SNX3: variants seen among roughly 807,000 people sequenced by gnomAD.
SNX3 encodes sorting nexin-3.
SNX3 carries 5 observed loss-of-function variants against 17.7 expected under a neutral mutation model. The ratio of observed to expected loss-of-function variants is 0.28; its 90% CI spans 0.15 to 0.59. The LOEUF (loss-of-function observed/expected upper bound fraction) is 0.59. Ranked by LOEUF, SNX3 falls within the 20% of genes least tolerant of loss-of-function variation. SNX3 has a pLI of 0.88. For synonymous variants in SNX3, 91 were observed against 76.5 expected, an observed-to-expected ratio of 1.19 and a Z score of -0.99; for missense variants, 132 against 206.8, an observed-to-expected ratio of 0.64 and a Z score of 2.22.
At chr6:108,247,372 T>C (rs966956211) in intron 1 of SNX3, among the ~76,000 whole-genome samples, 1 of 152,068 alleles carries the variant, frequency 6.6e-6, no homozygotes, top group Non-Finnish European at 1.5e-5. Context: ...ATATCTAGGA[T>C]GTATTTTTTG....
chr6:108,234,397 T>A (rs1775262153), intron 1 of SNX3, among the ~76,000 whole-genome samples: 1 of 152,018 alleles, frequency 6.6e-6, no homozygotes, highest in African/African-American at 2.4e-5. Context: ...ACCAAAAGCA[T>A]AAAAATTAGC....
intron 1 of SNX3, chr6:108,252,506 C>T (rs1375532506): frequency 6.6e-6 from 1 of 151,934 alleles, no homozygotes; most frequent in East Asian, 1.9e-4. Context: ...AAAACAAGAA[C>T]AAAAACCAAA....
At chr6:108,257,169 C>A (rs1211842677) in intron 1 of SNX3, among the ~76,000 whole-genome samples, 1 of 152,182 alleles carries the variant, frequency 6.6e-6, no homozygotes, top group East Asian at 1.9e-4. Flanking sequence ...GCAAATTCAA[C>A]AGCAAAAGGT....
At chr6:108,222,156 T>G in intron 2 of SNX3, 1 of 1,228,514 alleles carries the variant, frequency 8.1e-7, no homozygotes, top group East Asian at 5.8e-5. Flanking sequence ...AGAAAACCCT[T>G]ATTAAACTTG....
intron 1 of SNX3, among the ~76,000 whole-genome samples, chr6:108,225,655 A>G (rs905278506): frequency 7.2e-5 from 11 of 152,088 alleles, no homozygotes; most frequent in African/African-American, 2.7e-4. Context: ...CAAAAAAAAG[A>G]TGCTACCAAA....
At chr6:108,223,639 A>C (rs1346740899) in intron 1 of SNX3, among the ~76,000 whole-genome samples, 1 of 150,980 alleles carries the variant, frequency 6.6e-6, no homozygotes, top group Non-Finnish European at 1.5e-5. Context: ...CTGGGATTAC[A>C]GGCACTCGCC....
intron 1 of SNX3, among the ~76,000 whole-genome samples, chr6:108,250,944 T>C (rs777455986): frequency 2.6e-5 from 4 of 152,202 alleles, no homozygotes; most frequent in Admixed American, 2.0e-4. Context: ...AGAGATTAAG[T>C]GATTCTCTGC....
rs1776180637 is a variant in SNX3 at position 108,260,939 on chromosome 6, C to CGCCGCCGCGGGCT, written c.-31_-19dup. The CGCCGCCGCGGGCT allele has an allele frequency of 6.5e-7, 1 of 1,547,746 alleles. No homozygotes were observed. The highest frequency in any genetic ancestry group is 1.4e-5 in the African/African-American group (1 of 70,416). On this transcript the variant is annotated 5_prime_UTR_variant, in exon 1 of 4. Transcript: ENST00000230085. ...TCCGCCATTTCGCTGTAGCTGCTGC[C>CGCCGCCGCGGGCT]GCCGCCGCGGGCTCCCTCCGCCCCC...
intron 1 of SNX3, among the ~76,000 whole-genome samples, chr6:108,247,159 T>C (rs1220721626): frequency 6.6e-6 from 1 of 152,178 alleles, no homozygotes; most frequent in Non-Finnish European, 1.5e-5. Flanking sequence ...TGGCACCTTG[T>C]GAAGCAGGTA....
At chr6:108,226,479 T>C (rs1307967946) in intron 1 of SNX3, among the ~76,000 whole-genome samples, 4 of 152,226 alleles carry the variant, frequency 2.6e-5, no homozygotes, top group Admixed American at 6.5e-5. Flanking sequence ...CTCAACACTA[T>C]ATATTCTCTT....
chr6:108,220,040 A>G (rs1774707249), intron 2 of SNX3, among the ~76,000 whole-genome samples: 1 of 152,236 alleles, frequency 6.6e-6, no homozygotes, highest in African/African-American at 2.4e-5. Context: ...AGCTTATAGA[A>G]TAAGAATATA....
intron 1 of SNX3, among the ~76,000 whole-genome samples, chr6:108,259,156 T>C (rs372403452): frequency 6.6e-6 from 1 of 152,268 alleles, no homozygotes; most frequent in Admixed American, 6.5e-5. Flanking sequence ...ACTAGGTTTA[T>C]GTATGAATGT....
At chr6:108,234,459 G>A (rs1775263437) in intron 1 of SNX3, among the ~76,000 whole-genome samples, 1 of 152,054 alleles carries the variant, frequency 6.6e-6, no homozygotes, top group South Asian at 2.1e-4. Flanking sequence ...GCTGAGGCAG[G>A]AGAATCGCTT....
chr6:108,212,630 G>A (rs1774442409), intron 3 of SNX3, among the ~76,000 whole-genome samples: 3 of 152,070 alleles, frequency 2.0e-5, no homozygotes, highest in African/African-American at 4.8e-5. Context: ...GAGCCACTGC[G>A]CCCGGCTCAG....
intron 3 of SNX3, among the ~76,000 whole-genome samples, chr6:108,213,053 A>G (rs996069733): frequency 2.0e-5 from 3 of 151,536 alleles, no homozygotes; most frequent in Non-Finnish European, 4.4e-5. Context: ...ACGCCCCACT[A>G]ATTTTTGTAT....
At chr6:108,234,148 C>T (rs999228152) in intron 1 of SNX3, among the ~76,000 whole-genome samples, 3 of 151,828 alleles carry the variant, frequency 2.0e-5, no homozygotes, top group African/African-American at 7.3e-5. Context: ...CATTTACAGC[C>T]GCAATTTATC....
chr6:108,241,515 T>C (rs1775523283), intron 1 of SNX3, among the ~76,000 whole-genome samples: 1 of 152,040 alleles, frequency 6.6e-6, no homozygotes, highest in South Asian at 2.1e-4. Flanking sequence ...GGCTGAAGCC[T>C]CACTGGCTCA....
Position 108,261,035 on chromosome 6 carries a change from G to A in SNX3, c.-114C>T, listed in dbSNP as rs1582523263. ...CACGGGGCTCGCGCGCAGCGGTCGC[G>A]AAGAGAACGAGCACGTAGAGCGGGC... On this transcript the variant is annotated 5_prime_UTR_variant, in exon 1 of 4. Coordinates refer to ENST00000230085, the MANE Select transcript of SNX3 (RefSeq NM_003795.6). The A allele has an allele frequency of 5.8e-6, 6 of 1,033,614 alleles. No homozygotes were observed. Among genetic ancestry groups the A allele is most frequent in the Non-Finnish European group, 7.8e-6 (6 of 770,268 alleles). 64.0% of individuals were successfully genotyped at this position (1,033,614 alleles called of 1,614,324 possible). A position where few individuals can be genotyped will look rare whatever the true frequency, so the allele number is the denominator to read the frequency against.
intron 1 of SNX3, among the ~76,000 whole-genome samples, chr6:108,258,093 G>T (rs1049747110): frequency 1.3e-5 from 2 of 152,196 alleles, no homozygotes; most frequent in African/African-American, 4.8e-5. Flanking sequence ...CAGTGAGTTG[G>T]TTTATACAAA....
Sources: allele counts gnomAD v4.1 joint callset (sites outside exome capture counted in the v4.1 genomes callset), GRCh38; gene constraint gnomAD v4.1.1; transcripts MANE v1.5; gene names NCBI Gene and HGNC (gene_info 2026-07-23, HGNC 2026-07-21).